The following FGFR1 variants were observed in gnomAD, a reference collection of about 807,000 sequenced individuals.
The protein encoded by FGFR1 is FGFR1/PLAG1 fusion.
A neutral mutation model predicts 93.7 loss-of-function variants in FGFR1; 18 were observed. The observed-to-expected ratio is 0.19, with a 90% CI of 0.13 to 0.28. The LOEUF (loss-of-function observed/expected upper bound fraction) is 0.28. Among genes scored for constraint, FGFR1 ranks in the 10% least tolerant of loss-of-function variants. The pLI, the probability that FGFR1 is intolerant of heterozygous loss-of-function variation, is 1.00. For missense variants in FGFR1, 731 were observed against 1,080.4 expected, an observed-to-expected ratio of 0.68 and a Z score of 4.53; for synonymous variants, 448 against 429.3, an observed-to-expected ratio of 1.04 and a Z score of -0.54.
intron 2 of FGFR1, among the ~76,000 whole-genome samples, chr8:38,445,865 C>T (rs528867871): frequency 2.0e-5 from 3 of 152,114 alleles, no homozygotes; most frequent in East Asian, 1.9e-4. Context: ...ATCATGACTA[C>T]CCAAGTTTTG....
chr8:38,425,805 G>C, intron 6 of FGFR1: 1 of 408,284 alleles, frequency 2.4e-6, no homozygotes, highest in African/African-American at 2.0e-5. Flanking sequence ...CATCTTGCTA[G>C]CATTAAGCGA....
rs986877095 is a variant in FGFR1 at position 38,461,630 on chromosome 8, G to A, written c.-88-4096C>T. On this transcript the variant is annotated intron_variant, in intron 1 of 17. Coordinates refer to ENST00000447712, the MANE Select transcript of FGFR1 (RefSeq NM_023110.3). The stretch of plus-strand genomic sequence containing the variant: ...AGCCTGGGTCTTTTTATTCTTGTCC[G>A]CTGGAGACAGTATGAATTCACACCC... Among the ~76,000 whole-genome samples, 12 of 152,132 alleles carry A rather than the reference G, an allele frequency of 7.9e-5. 1 individual carries two copies. The Middle Eastern group carries it at 0.01, about 129-fold the overall frequency.
At chr8:38,438,392 A>C (rs1286023104) in intron 2 of FGFR1, among the ~76,000 whole-genome samples, 1 of 151,972 alleles carries the variant, frequency 6.6e-6, no homozygotes, top group Non-Finnish European at 1.5e-5. Flanking sequence ...AAATACAAAA[A>C]ATTAGCCAGG....
rs1814835181 is a variant in FGFR1, at chr8:38,412,851, TTTTTC to T, written c.*772_*776del. 4.3e-6 allele frequency: 1 copy of T among 233,528 alleles called. No homozygotes were observed. Among genetic ancestry groups the T allele is most frequent in the South Asian group, 1.8e-4 (1 of 5,538 alleles). The allele number at this position is 233,528 out of a possible 1,614,324, so 14.5% of individuals were successfully genotyped here. The stretch of plus-strand genomic sequence containing the variant: ...GACCTTTTTAAAAACATTTTCCTTT[TTTTTC>T]TTTTTTGTTTTTAATATATAGCAAC... On this transcript the variant is annotated 3_prime_UTR_variant, in exon 18 of 18. Transcript: ENST00000447712.
intron 2 of FGFR1, among the ~76,000 whole-genome samples, chr8:38,451,540 C>G (rs146653766): frequency 5.4e-4 from 83 of 152,322 alleles, no homozygotes; most frequent in Non-Finnish European, 1.1e-3. Context: ...GTGCAGGTTT[C>G]TGCAAAACAC....
At position 38,468,603 on chromosome 8, in the gene FGFR1, C is replaced by G. The variant is rs1036717173; in HGVS notation, c.-711G>C. On this transcript the variant is annotated 5_prime_UTR_variant, in exon 1 of 18. Transcript: ENST00000447712. Reference sequence around the variant, plus strand: ...GCCGCCCGCCGCCGAGGACGCCGCGCCTGTGGCCGCAAGAGCGCTCCGAGC... The same window carrying G: ...GCCGCCCGCCGCCGAGGACGCCGCGGCTGTGGCCGCAAGAGCGCTCCGAGC... 1.7e-5 allele frequency: 4 copies of G among 229,962 alleles called. No individual in the cohort carries two copies. The East Asian group carries it at 2.4e-4, about 14-fold the overall frequency. 14.2% of individuals were successfully genotyped at this position (229,962 alleles called of 1,614,324 possible). A position where few individuals can be genotyped will look rare whatever the true frequency, so the allele number is the denominator to read the frequency against.
chr8:38,420,160 C>T (rs1268323249), intron 8 of FGFR1: 4 of 190,296 alleles, frequency 2.1e-5, no homozygotes, highest in South Asian at 1.2e-4. Flanking sequence ...ACTTAACATG[C>T]GGGGACACAG....
rs546648649 is a variant in FGFR1, at chr8:38,411,969, G to A, written c.*1659C>T. Reference sequence around the variant, plus strand: ...CCTGAATGCAAAACTAGCCTCAGGTGACATGTTCTCCTGCACTTAGAAGCA... The same window carrying A: ...CCTGAATGCAAAACTAGCCTCAGGTAACATGTTCTCCTGCACTTAGAAGCA... On this transcript the variant is annotated 3_prime_UTR_variant, in exon 18 of 18. Coordinates refer to ENST00000447712, the MANE Select transcript of FGFR1 (RefSeq NM_023110.3). 1 of 231,504 alleles carries A rather than the reference G, an allele frequency of 4.3e-6. No homozygotes were observed. The highest frequency in any genetic ancestry group is 5.6e-5 in the Admixed American group (1 of 17,726). 14.3% of individuals were successfully genotyped at this position (231,504 alleles called of 1,614,324 possible). A position where few individuals can be genotyped will look rare whatever the true frequency, so the allele number is the denominator to read the frequency against.
rs531081197 is a variant in FGFR1 at position 38,445,259 on chromosome 8, C to T, written c.91+12097G>A. On this transcript the variant is annotated intron_variant, in intron 2 of 17. Transcript: ENST00000447712. ...CGATTCTGTGTTGGTCTCAGGGCTC[C>T]GGCTACCAGCACCTTCAATAAATGC... is the stretch of plus-strand genomic sequence containing the variant. Among the ~76,000 whole-genome samples the T allele has an allele frequency of 1.4e-4, 22 of 152,204 alleles. No individual in the cohort carries two copies. The South Asian group carries it at 3.5e-3, about 24-fold the overall frequency.
chr8:38,440,372 T>C, intron 2 of FGFR1: 1 of 1,596,924 alleles, frequency 6.3e-7, no homozygotes, highest in Non-Finnish European at 8.5e-7. Flanking sequence ...ACAGCTGCCA[T>C]CCTACAAGGG....
Position 38,413,667 on chromosome 8 carries a change from G to A in FGFR1, c.2430C>T (p.His810=), listed in dbSNP as rs1376789579. 13 of 1,613,352 alleles carry A rather than the reference G, an allele frequency of 8.1e-6. No individual in the cohort carries two copies. The Admixed American group carries it at 2.2e-4, about 27-fold the overall frequency. Reference sequence around the variant, plus strand: ...GTCCGCCATTGGCAAGCTGGGCTGGGTGTCGGGGCAGGCAGGGCTCCTCGG... The same window carrying A: ...GTCCGCCATTGGCAAGCTGGGCTGGATGTCGGGGCAGGCAGGGCTCCTCGG... ...PLPEEPCLPR[H]PAQLANGGLK... The change falls in exon 18 of 18, where the codon CAC becomes CAT. Residue 810 remains histidine (H), a synonymous_variant. Transcript: ENST00000447712. The surrounding 1 kb of genome is among the most constrained non-coding windows in gnomAD (Gnocchi z 4.2).
chr8:38,449,700 C>T (rs751362752), intron 2 of FGFR1, among the ~76,000 whole-genome samples: 13 of 152,316 alleles, frequency 8.5e-5, no homozygotes, highest in Middle Eastern at 6.8e-3. Flanking sequence ...GGCTCAGCCA[C>T]GCCACAGCAT....
intron 2 of FGFR1, among the ~76,000 whole-genome samples, chr8:38,450,519 A>C (rs1586673558): frequency 6.6e-6 from 1 of 151,806 alleles, no homozygotes; most frequent in Admixed American, 6.6e-5. Context: ...GCCATTCATC[A>C]CCGCCCAGAC....
At chr8:38,464,709 T>C (rs1261189106) in intron 1 of FGFR1, among the ~76,000 whole-genome samples, 1 of 152,134 alleles carries the variant, frequency 6.6e-6, no homozygotes, top group Non-Finnish European at 1.5e-5. Context: ...AGACACAAAT[T>C]TCCCAGGAGG....
At chr8:38,432,899 C>T (rs1322084783) in intron 2 of FGFR1, among the ~76,000 whole-genome samples, 3 of 137,038 alleles carry the variant, frequency 2.2e-5, no homozygotes, top group Non-Finnish European at 4.9e-5. Flanking sequence ...GGCTGTCCCT[C>T]CCCACCGCGC....
At position 38,414,793 on chromosome 8, in the gene FGFR1, T is replaced by C; in HGVS notation, c.1963A>G (p.Lys655Glu). 1 of 1,614,006 alleles carries C rather than the reference T, an allele frequency of 6.2e-7. No homozygotes were observed. Among genetic ancestry groups the C allele is most frequent in the Non-Finnish European group, 8.5e-7 (1 of 1,180,040 alleles). Residue 655 changes from lysine (K) to glutamate (E), a missense_variant, in exon 14 of 18, where the codon AAA (lysine) becomes GAA (glutamate). By Grantham distance (56) the Lys-to-Glu change is moderately conservative. Transcript: ENST00000447712. ...TCGGCACTCACGTTGGTTGTCTTTT[T>C]ATAGTAGTCGATGTGGTGAATGTCC... ...ARDIHHIDYY[K>E]KTTNGRLPVK...
At chr8:38,447,597 T>C (rs1829769010) in intron 2 of FGFR1, among the ~76,000 whole-genome samples, 1 of 152,114 alleles carries the variant, frequency 6.6e-6, no homozygotes, top group Non-Finnish European at 1.5e-5. Context: ...TTCTCCTGCC[T>C]CAGCCTCCTG....
intron 9 of FGFR1, 40 bp downstream of exon 9, chr8:38,419,493 G>T: frequency 6.4e-7 from 1 of 1,557,746 alleles, no homozygotes. Flanking sequence ...GGCCCAGAGA[G>T]AGAGGTGGTG....
chr8:38,422,285 G>C (rs1320871370), intron 7 of FGFR1: 2 of 460,110 alleles, frequency 4.3e-6, no homozygotes, highest in South Asian at 2.1e-5. Flanking sequence ...GGTAAAGATA[G>C]CCAGAAGGTG....
Sources: gnomAD v4.1 joint callset for allele counts (sites outside exome capture counted in the v4.1 genomes callset) on GRCh38, gnomAD v4.1.1 for gene constraint, Gnocchi (gnomAD v3.1) non-coding constraint, MANE v1.5 for transcripts, NCBI Gene and HGNC (gene_info 2026-07-23, HGNC 2026-07-21) for gene names.